Variants in MYH14 observed in about 807,000 individuals in gnomAD.
MYH14 encodes the protein myosin heavy chain 14.
In MYH14, 123 loss-of-function variants were observed where a neutral mutation model predicts 255.5. The ratio of observed to expected loss-of-function variants is 0.48; its 90% CI spans 0.42 to 0.56. MYH14 has a LOEUF of 0.56. Ranked by LOEUF, MYH14 falls within the 20% of genes least tolerant of loss-of-function variation. MYH14 has a pLI of 0.00. For missense variants in MYH14, 2,423 were observed against 2,802.3 expected (o/e 0.86, Z 3.06); for synonymous variants, 1,095 against 1,161.2 (o/e 0.94, Z 1.16).
At position 50,271,401 on chromosome 19, in the gene MYH14, C is replaced by T. The variant is rs1452675834; in HGVS notation, c.3034-8C>T. ...AGTATCCTCACTCCTCCTGCCTTCC[C>T]ACCCCAGGAGCTAGAGGCCCACCTT... On this transcript the variant is annotated splice_region_variant and splice_polypyrimidine_tract_variant and intron_variant, in intron 24 of 42. Coordinates refer to ENST00000642316, the MANE Select transcript of MYH14 (RefSeq NM_001145809.2). 2 of 1,597,406 alleles carry T rather than the reference C, an allele frequency of 1.3e-6. No homozygotes were observed. Among genetic ancestry groups the T allele is most frequent in the East Asian group, 4.5e-5 (2 of 44,204 alleles).
intron 3 of MYH14, among the ~76,000 whole-genome samples, chr19:50,222,063 C>A (rs899016261): frequency 1.3e-5 from 2 of 152,084 alleles, no homozygotes; most frequent in African/African-American, 2.4e-5. Context: ...TTAGTAGCAC[C>A]CCGGCCTCTA....
In MYH14 at chr19:50,309,698, G is replaced by A. The variant is rs1234270327; in HGVS notation, c.6019G>A (p.Gly2007Ser). ...TVRQVFRLEE[G>S]VASDEEAEEA... ...GCGCCAGGTCTTCCGACTAGAGGAG[G>A]GCGTGGCATCCGACGAGGAGGCAGA... Residue 2007 changes from glycine (G) to serine (S), a missense_variant, in exon 43 of 43, where the codon GGC becomes AGC. By Grantham distance (56) the Gly-to-Ser change is moderately conservative. Coordinates refer to ENST00000642316, the MANE Select transcript of MYH14 (RefSeq NM_001145809.2). 1.9e-6 allele frequency: 3 copies of A among 1,608,676 alleles called. No individual in the cohort carries two copies. The highest frequency in any genetic ancestry group is 1.3e-5 in the African/African-American group (1 of 74,696).
intron 13 of MYH14, 66 bp from the exon 14 acceptor site, chr19:50,249,584 T>TGTCCCCTGTCTCTGGGTCTCC: frequency 6.2e-7 from 1 of 1,601,580 alleles, no homozygotes. Flanking sequence ...TCTGGGTCTC[T>TGTCCCCTGTCTCTGGGTCTCC]GTCCCCTGTC....
intron 41 of MYH14, 179 bp from the exon 42 acceptor site, chr19:50,308,826 G>A (rs537009326): frequency 1.1e-5 from 7 of 647,546 alleles, no homozygotes; most frequent in Middle Eastern, 4.3e-4. Flanking sequence ...GAGACTGGAG[G>A]TCAGGGTAGA....
At chr19:50,207,310 AG>A (rs2031856041) in intron 1 of MYH14, among the ~76,000 whole-genome samples, 1 of 148,890 alleles carries the variant, frequency 6.7e-6, no homozygotes, top group Non-Finnish European at 1.5e-5. Flanking sequence ...AGAGAGAGAG[AG>A]AGACTAGGGG....
At chr19:50,277,626 C>A (rs1034211733) in intron 29 of MYH14, among the ~76,000 whole-genome samples, 1 of 151,460 alleles carries the variant, frequency 6.6e-6, no homozygotes, top group Non-Finnish European at 1.5e-5. Flanking sequence ...AACAAACAAA[C>A]AAAAATGGGC....
chr19:50,297,489 C>CTATTTT (rs1568552510), intron 39 of MYH14, among the ~76,000 whole-genome samples: 1 of 54,970 alleles, frequency 1.8e-5, no homozygotes, highest in Non-Finnish European at 4.7e-5. Flanking sequence ...GTCTCATCTC[C>CTATTTT]TCTTTTTTTT....
At position 50,301,287 on chromosome 19, in the gene MYH14, A is replaced by AT. The variant is rs536264064; in HGVS notation, c.5470-367dup. Among the ~76,000 whole-genome samples, 1,372 of 152,232 alleles carry AT rather than the reference A, an allele frequency of 9.0e-3. 28 individuals carry two copies. Among genetic ancestry groups the AT allele is most frequent in the African/African-American group, 0.03 (1,255 of 41,562 alleles). The stretch of plus-strand genomic sequence containing the variant: ...TGAAGGGTGAGACCCAGATGTCTGC[A>AT]TTTTTTTCCCAAGCTCCCCCAGATG... On this transcript the variant is annotated intron_variant, in intron 39 of 42. Coordinates refer to ENST00000642316, the MANE Select transcript of MYH14 (RefSeq NM_001145809.2).
chr19:50,261,896 G>A (rs575591270), intron 21 of MYH14, among the ~76,000 whole-genome samples: 2 of 152,232 alleles, frequency 1.3e-5, no homozygotes, highest in Non-Finnish European at 2.9e-5. Flanking sequence ...AGTGGGCCTG[G>A]GTCTGGGTTT....
At chr19:50,219,750 A>G (rs1025808679) in intron 3 of MYH14, among the ~76,000 whole-genome samples, 2 of 150,916 alleles carry the variant, frequency 1.3e-5, no homozygotes, top group Admixed American at 6.6e-5. Context: ...ATACCATGAC[A>G]ACATAGATCA....
chr19:50,279,401 C>T (rs957954068), intron 30 of MYH14, among the ~76,000 whole-genome samples: 6 of 152,254 alleles, frequency 3.9e-5, no homozygotes, highest in African/African-American at 7.2e-5. Flanking sequence ...GCAGCGGAGG[C>T]GGGTGGGTCA....
intron 9 of MYH14, among the ~76,000 whole-genome samples, chr19:50,231,443 C>T (rs2033381022): frequency 1.3e-5 from 2 of 152,230 alleles, no homozygotes; most frequent in Non-Finnish European, 2.9e-5. Context: ...CGTGGGGACT[C>T]ATGCCTGCAA....
chr19:50,300,521 G>C (rs1284985791), intron 39 of MYH14, among the ~76,000 whole-genome samples: 1 of 152,136 alleles, frequency 6.6e-6, no homozygotes, highest in Non-Finnish European at 1.5e-5. Context: ...GGCTGAGGTG[G>C]GTGGATCACT....
intron 15 of MYH14, among the ~76,000 whole-genome samples, chr19:50,251,520 C>CACACATATATATA (rs1208203151): frequency 5.8e-5 from 1 of 17,254 alleles, no homozygotes; most frequent in African/African-American, 1.2e-4. Context: ...TATATACACA[C>CACACATATATATA]TACACACACA....
chr19:50,268,738 C>G (rs1276900400), intron 24 of MYH14, among the ~76,000 whole-genome samples: 1 of 152,014 alleles, frequency 6.6e-6, no homozygotes, highest in Non-Finnish European at 1.5e-5. Context: ...ATGGCTGGAT[C>G]CAGGCATCCA....
chr19:50,276,037 C>G lies in MYH14; in HGVS notation c.3514C>G (p.Arg1172Gly). Reference protein sequence around the residue: ...GARAQLLKSLREAQAALAEAQ... With the variant: ...GARAQLLKSLGEAQAALAEAQ... ...CCGGGCCCAGCTGCTGAAATCCCTG[C>G]GGGAGGCTCAAGCAGCCCTGGCCGA... The change falls in exon 28 of 43, where the codon CGG becomes GGG. Residue 1172 changes from arginine to glycine, a missense_variant. Arg to Gly is a moderately radical substitution (Grantham distance 125). Around this residue, in one of 3 missense-constraint regions of MYH14, gnomAD observed 1,513 missense variants for 1,674.8 expected, o/e 0.90. Transcript: ENST00000642316. The surrounding 1 kb of genome is among the most constrained non-coding windows in gnomAD (Gnocchi z 4.3). The G allele has an allele frequency of 6.2e-7, 1 of 1,612,744 alleles. No individual in the cohort carries two copies. Among genetic ancestry groups the G allele is most frequent in the Non-Finnish European group, 8.5e-7 (1 of 1,179,622 alleles).
chr19:50,213,514 A>G (rs971193463), intron 2 of MYH14, among the ~76,000 whole-genome samples: 2 of 152,212 alleles, frequency 1.3e-5, no homozygotes, highest in Admixed American at 6.5e-5. Flanking sequence ...GGTGGTGGCC[A>G]GGGAGCCAGA....
rs529811341 is a variant in MYH14, at chr19:50,206,961, C to T, written c.-4+3290C>T. Among the ~76,000 whole-genome samples, 102 of 148,456 alleles carry T rather than the reference C, an allele frequency of 6.9e-4. 1 individual carries two copies. The highest frequency in any genetic ancestry group is 2.3e-3 in the Admixed American group (33 of 14,662). ...GGGCGTAGTGGCTCATGTCTGTAATCCCAGCACTGTGGAGGCCAAAGCAGG... is the reference window on the plus strand; with the variant it reads ...GGGCGTAGTGGCTCATGTCTGTAATTCCAGCACTGTGGAGGCCAAAGCAGG... On this transcript the variant is annotated intron_variant, in intron 1 of 42. Transcript: ENST00000642316.
chr19:50,276,151 C>G lies in MYH14; in HGVS notation c.3628C>G (p.Arg1210Gly). 1 of 1,572,062 alleles carries G rather than the reference C, an allele frequency of 6.4e-7. No homozygotes were observed. Among genetic ancestry groups the G allele is most frequent in the Non-Finnish European group, 8.6e-7 (1 of 1,160,416 alleles). Reference sequence around the variant, plus strand: ...CCTGGGCGAGGAGCTGGAGGCGCTGCGGGGCGAGCTGGAGGACACGCTGGA... The same window carrying G: ...CCTGGGCGAGGAGCTGGAGGCGCTGGGGGGCGAGCTGGAGGACACGCTGGA... ...RDLGEELEAL[R>G]GELEDTLDST... Residue 1210 changes from arginine to glycine, a missense_variant, in exon 28 of 43, where the codon CGG (arginine) becomes GGG (glycine). Arg to Gly is a moderately radical substitution (Grantham distance 125, BLOSUM62 -2). Transcript: ENST00000642316. The surrounding 1 kb of genome is among the most constrained non-coding windows in gnomAD (Gnocchi z 4.3).
Sources: allele counts gnomAD v4.1 joint callset (sites outside exome capture counted in the v4.1 genomes callset), GRCh38; gene constraint gnomAD v4.1.1; regional missense constraint gnomAD v4.1.1; non-coding constraint Gnocchi (gnomAD v3.1); transcripts MANE v1.5; gene names NCBI Gene and HGNC (gene_info 2026-07-23, HGNC 2026-07-21).